Variants in CYP7B1 observed in about 807,000 individuals in gnomAD.
The protein encoded by CYP7B1 is cytochrome P450 7B1.
A neutral mutation model predicts 42.7 loss-of-function variants in CYP7B1; 29 were observed. The observed-to-expected ratio is 0.68, with a 90% CI of 0.51 to 0.93. CYP7B1 has a LOEUF of 0.93. CYP7B1 is among the 40% of genes least tolerant of loss of function. The pLI, the probability that CYP7B1 is intolerant of heterozygous loss-of-function variation, is 0.00. For synonymous variants in CYP7B1, 235 were observed against 218.2 expected (o/e 1.08, Z -0.68); for missense variants, 655 against 600.5 (o/e 1.09, Z -0.95).
intron 5 of CYP7B1, among the ~76,000 whole-genome samples, chr8:64,603,581 C>T (rs1457777883): frequency 6.6e-6 from 1 of 152,084 alleles, no homozygotes; most frequent in Non-Finnish European, 1.5e-5. Context: ...TAATTTTGTT[C>T]TTTGATACTT....
At chr8:64,587,512 C>A (rs899115566), downstream of CYP7B1, among the ~76,000 whole-genome samples, 2 of 152,216 alleles carry the variant, frequency 1.3e-5, no homozygotes, top group Admixed American at 1.3e-4. Flanking sequence ...AAGAGGCACC[C>A]CGCAGCCGCA....
rs1360845593 is a variant in CYP7B1, at chr8:64,624,691, T to C, written c.123-152A>G. 4 of 914,030 alleles carry C rather than the reference T, an allele frequency of 4.4e-6. No homozygotes were observed. In the African/African-American group the frequency reaches 5.1e-5, roughly 12 times the overall value. The allele number at this position is 914,030 out of a possible 1,614,324, so 56.6% of individuals were successfully genotyped here. A position where few individuals can be genotyped will look rare whatever the true frequency, so the allele number is the denominator to read the frequency against. ...TTACTCAGTGATTCTTATATAATCA[T>C]AGACATGAGTTTACTGAGCTTCTCC... is the stretch of plus-strand genomic sequence containing the variant. On this transcript the variant is annotated intron_variant, in intron 1 of 5. Coordinates refer to ENST00000310193, the MANE Select transcript of CYP7B1 (RefSeq NM_004820.5).
At chr8:64,647,008 C>A (rs1174080072) in intron 1 of CYP7B1, among the ~76,000 whole-genome samples, 2 of 152,200 alleles carry the variant, frequency 1.3e-5, no homozygotes, top group African/African-American at 2.4e-5. Flanking sequence ...TAAGCTTAAT[C>A]ATTTCTCGCT....
At position 64,783,612 on chromosome 8, in the gene CYP7B1, T is replaced by TG. The variant is rs538699793; in HGVS notation, c.122+14853dup. Among the ~76,000 whole-genome samples, 15 of 151,526 alleles carry TG rather than the reference T, an allele frequency of 9.9e-5. No individual in the cohort carries two copies. In the East Asian group the frequency reaches 2.7e-3, roughly 27 times the overall value. On this transcript the variant is annotated intron_variant, in intron 1 of 5. Coordinates refer to ENST00000310193, the MANE Select transcript of CYP7B1 (RefSeq NM_004820.5). ...TCTGGTTAGTGCCAAGGAAACCCAA[T>TG]GTGCAAGCTGACTGTCCTCTAAGCT...
rs142987693 is a variant in CYP7B1, at chr8:64,744,900, G to T, written c.122+53566C>A. On this transcript the variant is annotated intron_variant, in intron 1 of 5. Coordinates refer to ENST00000310193, the MANE Select transcript of CYP7B1 (RefSeq NM_004820.5). Reference sequence around the variant, plus strand: ...CACATTTTTACTAGGGCTTTATAGCGTAATGACAGTGAGTTGAGGTATAGT... The same window carrying T: ...CACATTTTTACTAGGGCTTTATAGCTTAATGACAGTGAGTTGAGGTATAGT... Among the ~76,000 whole-genome samples the T allele has an allele frequency of 2.2e-3, 335 of 152,250 alleles. 2 individuals are homozygous for T. Among genetic ancestry groups the T allele is most frequent in the African/African-American group, 7.9e-3 (328 of 41,554 alleles).
chr8:64,793,708 T>C (rs2129730197), intron 1 of CYP7B1, among the ~76,000 whole-genome samples: 1 of 152,086 alleles, frequency 6.6e-6, no homozygotes, highest in East Asian at 1.9e-4. Context: ...TAAACATTTT[T>C]CTCAAAGTTT....
At chr8:64,781,204 AGC>A in intron 1 of CYP7B1, among the ~76,000 whole-genome samples, 1 of 152,124 alleles carries the variant, frequency 6.6e-6, no homozygotes, top group South Asian at 2.1e-4. Flanking sequence ...ATAAGTAACC[AGC>A]AAAGTCCACC....
chr8:64,593,184 C>T lies in CYP7B1; in HGVS notation c.*3458G>A, dbSNP rs545457420. 4.1e-4 allele frequency among the ~76,000 whole-genome samples: 62 copies of T among 149,958 alleles called. No homozygotes were observed. Among genetic ancestry groups the T allele is most frequent in the African/African-American group, 1.5e-3 (60 of 40,850 alleles). On this transcript the variant is annotated 3_prime_UTR_variant, in exon 6 of 6. Coordinates refer to ENST00000310193, the MANE Select transcript of CYP7B1 (RefSeq NM_004820.5). ...ACATGGCGAACTAGACGTCCAAGTA[C>T]GAAAAGGACAGAGTATGCTTTGTGG...
chr8:64,722,487 C>T (rs1807253428), intron 1 of CYP7B1, among the ~76,000 whole-genome samples: 1 of 151,064 alleles, frequency 6.6e-6, no homozygotes, highest in African/African-American at 2.5e-5. Context: ...GACATAAGGA[C>T]ATTAGCTACT....
At chr8:64,667,077 A>C (rs1806291569) in intron 1 of CYP7B1, among the ~76,000 whole-genome samples, 1 of 152,184 alleles carries the variant, frequency 6.6e-6, no homozygotes, top group African/African-American at 2.4e-5. Flanking sequence ...CACCAGAGTC[A>C]TTTCTGGTTG....
intron 4 of CYP7B1, among the ~76,000 whole-genome samples, chr8:64,608,922 C>A (rs1242138355): frequency 6.6e-6 from 1 of 152,182 alleles, no homozygotes; most frequent in Non-Finnish European, 1.5e-5. Context: ...GTCTTTGGTT[C>A]ACTGCTAAAA....
intron 1 of CYP7B1, among the ~76,000 whole-genome samples, chr8:64,719,627 T>C (rs34700548): frequency 0.33 from 50,068 of 151,996 alleles, 10,895 homozygotes; most frequent in African/African-American, 0.62. Context: ...CTTTGACCAT[T>C]TACTTCTGTT....
chr8:64,788,672 C>A (rs929824080), intron 1 of CYP7B1, among the ~76,000 whole-genome samples: 1 of 152,136 alleles, frequency 6.6e-6, no homozygotes, highest in Non-Finnish European at 1.5e-5. Context: ...TGTTTTTATT[C>A]ATCTTTCTTA....
At chr8:64,758,394 G>C (rs552796861) in intron 1 of CYP7B1, among the ~76,000 whole-genome samples, 3 of 152,140 alleles carry the variant, frequency 2.0e-5, no homozygotes, top group Non-Finnish European at 4.4e-5. Context: ...TTGGGTCCAA[G>C]AGATTGGATT....
intron 1 of CYP7B1, among the ~76,000 whole-genome samples, chr8:64,646,824 GCTAAAA>G (rs1805960831): frequency 6.6e-6 from 1 of 152,164 alleles, no homozygotes; most frequent in African/African-American, 2.4e-5. Context: ...TATTCAGACG[GCTAAAA>G]CTTTTTCTCT....
intron 5 of CYP7B1, 86 bp from the exon 6 acceptor site, chr8:64,597,015 G>A: frequency 8.4e-7 from 1 of 1,196,402 alleles, no homozygotes; most frequent in East Asian, 2.5e-5. Flanking sequence ...CTCTCTGCCT[G>A]TCTTAAAAAG....
At chr8:64,754,173 T>C (rs1044460355) in intron 1 of CYP7B1, among the ~76,000 whole-genome samples, 3 of 152,306 alleles carry the variant, frequency 2.0e-5, no homozygotes, top group Middle Eastern at 3.4e-3. Context: ...GTGTGGGCCC[T>C]GTGGCTCTAA....
At chr8:64,730,404 A>G (rs368401097) in intron 1 of CYP7B1, among the ~76,000 whole-genome samples, 10 of 151,918 alleles carry the variant, frequency 6.6e-5, no homozygotes, top group South Asian at 2.1e-4. Context: ...TTAAGCTTCA[A>G]TTTTTGTAAA....
At chr8:64,736,470 A>G (rs1490604999) in intron 1 of CYP7B1, among the ~76,000 whole-genome samples, 1 of 152,136 alleles carries the variant, frequency 6.6e-6, no homozygotes, top group Non-Finnish European at 1.5e-5. Context: ...TATTTTTTTG[A>G]GACAGACTTT....
Sources: gnomAD v4.1 joint callset for allele counts (sites outside exome capture counted in the v4.1 genomes callset) on GRCh38, gnomAD v4.1.1 for gene constraint, MANE v1.5 for transcripts, NCBI Gene and HGNC (gene_info 2026-07-23, HGNC 2026-07-21) for gene names.